The following DNAH14 variants were observed in gnomAD, a reference collection of about 807,000 sequenced individuals.
DNAH14 encodes dynein axonemal heavy chain 14.
In DNAH14, 478 loss-of-function variants were observed where a neutral mutation model predicts 520.9. That is an observed-to-expected ratio of 0.92 (90% CI 0.85 to 0.99). DNAH14 has a LOEUF of 0.99. Among genes scored for constraint, DNAH14 ranks in the 50% least tolerant of loss-of-function variants. The pLI is 0.00. For synonymous variants in DNAH14, 1,581 were observed against 1,757.2 expected, an observed-to-expected ratio of 0.90 and a Z score of 2.51; for missense variants, 4,831 against 5,234.5, an observed-to-expected ratio of 0.92 and a Z score of 2.38.
intron 47 of DNAH14, among the ~76,000 whole-genome samples, 194 bp downstream of exon 47, chr1:225,264,455 G>A (rs2093044393): frequency 6.6e-6 from 1 of 152,124 alleles, no homozygotes; most frequent in South Asian, 2.1e-4. Flanking sequence ...TTCTGGTAGA[G>A]GAGTATTACA....
intron 9 of DNAH14, among the ~76,000 whole-genome samples, chr1:225,004,167 GA>G (rs2063986496): frequency 6.6e-6 from 1 of 152,178 alleles, no homozygotes; most frequent in African/African-American, 2.4e-5. Flanking sequence ...AATACAAAGT[GA>G]AAAACAAAGC....
At chr1:225,330,707 A>C (rs995724860) in intron 64 of DNAH14, among the ~76,000 whole-genome samples, 5 of 152,286 alleles carry the variant, frequency 3.3e-5, no homozygotes, top group Non-Finnish European at 5.9e-5. Flanking sequence ...AATGGATACG[A>C]AAAATAGAAA....
chr1:225,137,556 A>G (rs2079057333), intron 27 of DNAH14, among the ~76,000 whole-genome samples: 1 of 152,034 alleles, frequency 6.6e-6, no homozygotes, highest in South Asian at 2.1e-4. Context: ...GCATTTCACC[A>G]TGTTGGCCAG....
At chr1:225,311,116 C>T (rs2094355567) in intron 60 of DNAH14, among the ~76,000 whole-genome samples, 1 of 152,156 alleles carries the variant, frequency 6.6e-6, no homozygotes, top group African/African-American at 2.4e-5. Flanking sequence ...TCTATTATTT[C>T]CTAACTTATT....
intron 80 of DNAH14, 67 bp from the exon 81 acceptor site, chr1:225,381,316 G>A (rs2095779730): frequency 3.5e-6 from 5 of 1,439,204 alleles, no homozygotes; most frequent in Non-Finnish European, 2.8e-6. Context: ...CAAAGCCTAA[G>A]TCCCTCCATG....
chr1:225,391,387 G>T (rs1057257032), intron 83 of DNAH14, among the ~76,000 whole-genome samples: 4 of 152,154 alleles, frequency 2.6e-5, no homozygotes, highest in African/African-American at 9.7e-5. Context: ...CAGGAGGATT[G>T]CTTGAGCCCA....
rs2094991777 is a variant in DNAH14, at chr1:225,335,794, T to C, written c.10081-1472T>C. On this transcript the variant is annotated intron_variant, in intron 66 of 85. Coordinates refer to ENST00000682510, the MANE Select transcript of DNAH14 (RefSeq NM_001367479.1). ...ATATGTGCATATATTCATAAGTACA[T>C]CTATGTATATGTACATATATGTACA... Among the ~76,000 whole-genome samples the C allele has an allele frequency of 2.6e-5, 3 of 115,012 alleles. 1 individual carries two copies. Among genetic ancestry groups the C allele is most frequent in the Non-Finnish European group, 5.3e-5 (3 of 56,100 alleles). 75.5% of individuals were successfully genotyped at this position (115,012 alleles called of 152,430 possible).
intron 28 of DNAH14, among the ~76,000 whole-genome samples, chr1:225,144,056 A>G (rs2079693682): frequency 6.6e-6 from 1 of 152,212 alleles, no homozygotes; most frequent in African/African-American, 2.4e-5. Context: ...ATCTTCAATC[A>G]CAGTCTTATT....
intron 39 of DNAH14, 76 bp downstream of exon 39, chr1:225,204,349 G>T: frequency 1.2e-6 from 1 of 824,128 alleles, no homozygotes; most frequent in East Asian, 3.2e-5. Flanking sequence ...ATATTTATAT[G>T]TTTAAACATG....
intron 55 of DNAH14, among the ~76,000 whole-genome samples, chr1:225,292,223 T>C (rs1472733636): frequency 6.6e-6 from 1 of 152,206 alleles, no homozygotes; most frequent in African/African-American, 2.4e-5. Flanking sequence ...CCAGTAGTTT[T>C]ATAGTTTCAG....
At chr1:225,336,035 A>ATATATG (rs2095038487) in intron 66 of DNAH14, among the ~76,000 whole-genome samples, 8 of 85,250 alleles carry the variant, frequency 9.4e-5, no homozygotes, top group Non-Finnish European at 1.7e-4. Flanking sequence ...ATGTATATAC[A>ATATATG]CACATATATG....
intron 80 of DNAH14, 54 bp downstream of exon 80, chr1:225,380,376 C>T: frequency 1.3e-6 from 2 of 1,491,944 alleles, no homozygotes; most frequent in Non-Finnish European, 1.8e-6. Context: ...CAAGAAAGGA[C>T]TCTGGTGTCA....
intron 8 of DNAH14, among the ~76,000 whole-genome samples, chr1:224,997,430 TTTTTTTTG>T (rs1186288675): frequency 5.3e-5 from 8 of 149,718 alleles, no homozygotes; most frequent in African/African-American, 1.5e-4. Flanking sequence ...AAAGGCAGGT[TTTTTTTTG>T]TTTGTTTGTT....
intron 20 of DNAH14, among the ~76,000 whole-genome samples, chr1:225,083,406 TA>T (rs2073369776): frequency 1.3e-5 from 2 of 152,158 alleles, no homozygotes; most frequent in Non-Finnish European, 2.9e-5. Context: ...AAGAATTTTT[TA>T]AAAAACAACT....
At chr1:225,167,861 A>G (rs1573650577) in intron 35 of DNAH14, 78 bp from the exon 36 acceptor site, 1 of 803,032 alleles carries the variant, frequency 1.2e-6, no homozygotes, top group East Asian at 3.1e-5. Flanking sequence ...GTACCTAGTT[A>G]AGAGAGATTT....
intron 8 of DNAH14, among the ~76,000 whole-genome samples, chr1:224,981,803 G>A (rs2125698896): frequency 6.6e-6 from 1 of 152,200 alleles, no homozygotes; most frequent in South Asian, 2.1e-4. Context: ...GTTCTGCTCT[G>A]ATCTTGGTTT....
intron 3 of DNAH14, among the ~76,000 whole-genome samples, chr1:224,956,262 C>G (rs1286559584): frequency 2.6e-5 from 4 of 152,058 alleles, no homozygotes; most frequent in African/African-American, 9.7e-5. Flanking sequence ...CCTGTTCTCT[C>G]TGGACTAGAC....
chr1:225,331,482 G>A lies in DNAH14; in HGVS notation c.9769G>A (p.Val3257Ile), dbSNP rs763325187. 15 of 1,551,320 alleles carry A rather than the reference G, an allele frequency of 9.7e-6. No homozygotes were observed. The highest frequency in any genetic ancestry group is 3.3e-4 in the Middle Eastern group (2 of 6,008). Residue 3257 changes from valine to isoleucine, a missense_variant, in exon 65 of 86, where the codon GTT (valine) becomes ATT (isoleucine). Transcript: ENST00000682510. Reference protein sequence around the residue: ...LFLQAAYKDTVAEKQLLANRK... With the variant: ...LFLQAAYKDTIAEKQLLANRK... ...TTTACAGGCAGCTTACAAAGATACC[G>A]TTGCTGAAAAACAACTATTAGCAAA...
intron 58 of DNAH14, among the ~76,000 whole-genome samples, chr1:225,307,225 T>G (rs1406830842): frequency 1.3e-5 from 2 of 152,182 alleles, no homozygotes; most frequent in Non-Finnish European, 2.9e-5. Context: ...ATCATGAATT[T>G]TATCAAATGT....
Sources: gnomAD v4.1 joint callset for allele counts (sites outside exome capture counted in the v4.1 genomes callset) on GRCh38, gnomAD v4.1.1 for gene constraint, MANE v1.5 for transcripts, NCBI Gene and HGNC (gene_info 2026-07-23, HGNC 2026-07-21) for gene names.